IMMT: variants seen among roughly 807,000 people sequenced by gnomAD.
IMMT encodes the protein MICOS complex subunit MIC60.
In IMMT, 40 loss-of-function variants were observed where a neutral mutation model predicts 92.7. The observed-to-expected ratio is 0.43, with a 90% confidence interval of 0.34 to 0.56. The LOEUF (loss-of-function observed/expected upper bound fraction) is 0.56. IMMT is among the 20% of genes least tolerant of loss of function. The pLI is 0.03. For synonymous variants in IMMT, 322 were observed against 336.1 expected (o/e 0.96, Z 0.46); for missense variants, 831 against 912.1 (o/e 0.91, Z 1.14).
chr2:86,162,084 AC>A lies in IMMT; in HGVS notation c.793-6del. On this transcript the variant is annotated splice_polypyrimidine_tract_variant and splice_region_variant and intron_variant, in intron 7 of 14. Coordinates refer to ENST00000410111, the MANE Select transcript of IMMT (RefSeq NM_006839.3). ...AGATTTCTTCTCGCCTGCAATCTAA[AC>A]AAAAAATTTTAATTATATAATAAAT... The A allele has an allele frequency of 6.5e-7, 1 of 1,545,118 alleles. No individual in the cohort carries two copies.
intron 1 of IMMT, 97 bp from the exon 2 acceptor site, chr2:86,181,469 C>G (rs1436144728): frequency 2.6e-6 from 2 of 782,450 alleles, no homozygotes; most frequent in African/African-American, 3.5e-5. Flanking sequence ...TTAAAAATGT[C>G]TTCATTAAAC....
Position 86,164,689 on chromosome 2 carries a change from C to CAAAAAAAAAAAAAAA in IMMT, c.792+1804_792+1818dup, listed in dbSNP as rs56964046. ...CTGGTGACAGAGCAAGACTCTGTCT[C>CAAAAAAAAAAAAAAA]AAAAAAAAAAAAAAAGGAATGGATG... On this transcript the variant is annotated intron_variant, in intron 7 of 14. Transcript: ENST00000410111. Among the ~76,000 whole-genome samples, 180 of 111,368 alleles carry CAAAAAAAAAAAAAAA rather than the reference C, an allele frequency of 1.6e-3. 14 individuals carry two copies. The highest frequency in any genetic ancestry group is 6.1e-3 in the African/African-American group (166 of 27,404). 73.1% of individuals were successfully genotyped at this position (111,368 alleles called of 152,430 possible).
chr2:86,188,234 C>G (rs1260726144), intron 1 of IMMT, among the ~76,000 whole-genome samples: 1 of 151,826 alleles, frequency 6.6e-6, no homozygotes, highest in African/African-American at 2.4e-5. Context: ...TTATTATAAC[C>G]ATCTTAGTGG....
chr2:86,183,845 C>T (rs1672585295), intron 1 of IMMT, among the ~76,000 whole-genome samples: 1 of 152,098 alleles, frequency 6.6e-6, no homozygotes, highest in Non-Finnish European at 1.5e-5. Flanking sequence ...AAAAGCTTCC[C>T]AAGGGATTTC....
chr2:86,180,053 G>C (rs1204067192), intron 2 of IMMT, among the ~76,000 whole-genome samples: 2 of 151,710 alleles, frequency 1.3e-5, no homozygotes, highest in East Asian at 1.9e-4. Context: ...CTCCAGCCTG[G>C]AGCAACAGAA....
rs367552810 is a variant in IMMT, at chr2:86,153,291, T to C, written c.1177+269A>G. On this transcript the variant is annotated intron_variant, in intron 11 of 14. Transcript: ENST00000410111. ...GTTTGAAATTCTCCAAAGTAATCAG[T>C]TACAATCCATATTACACACACACAC... 2.0e-4 allele frequency among the ~76,000 whole-genome samples: 27 copies of C among 133,244 alleles called. No homozygotes were observed. The East Asian group carries it at 4.0e-3, about 20-fold the overall frequency. The allele number at this position is 133,244 out of a possible 152,430, so 87.4% of individuals were successfully genotyped here. A position where few individuals can be genotyped will look rare whatever the true frequency, so the allele number is the denominator to read the frequency against.
At chr2:86,151,220 G>A in intron 12 of IMMT, 77 bp downstream of exon 12, 1 of 1,255,466 alleles carries the variant, frequency 8.0e-7, no homozygotes, top group South Asian at 1.3e-5. Context: ...ACCCGGCTGA[G>A]CCAGTATTAT....
At chr2:86,159,425 C>T in intron 9 of IMMT, 111 bp downstream of exon 9, 1 of 942,932 alleles carries the variant, frequency 1.1e-6, no homozygotes, top group Non-Finnish European at 1.7e-6. Context: ...ATACACTTTG[C>T]AGGAGAAAAG....
intron 4 of IMMT, among the ~76,000 whole-genome samples, chr2:86,172,211 C>G (rs1186582511): frequency 1.3e-5 from 2 of 152,036 alleles, no homozygotes; most frequent in Non-Finnish European, 2.9e-5. Context: ...CTCAAGTGAT[C>G]CTCCCTCCTC....
intron 6 of IMMT, among the ~76,000 whole-genome samples, chr2:86,167,470 GTTTT>G (rs1279903768): frequency 3.0e-5 from 2 of 67,442 alleles, no homozygotes. Context: ...ACCGTGCCCG[GTTTT>G]TTGTTTTTTG....
Position 86,160,713 on chromosome 2 carries a change from C to CT in IMMT, c.897-1043dup, listed in dbSNP as rs1676206622. On this transcript the variant is annotated intron_variant, in intron 8 of 14. Coordinates refer to ENST00000410111, the MANE Select transcript of IMMT (RefSeq NM_006839.3). ...GAGGTTGATCTTATATCTGGGCATG[C>CT]TTGCTCAATCCTAGTTTTAGCCAAC... 3.3e-5 allele frequency among the ~76,000 whole-genome samples: 5 copies of CT among 152,174 alleles called. No homozygotes were observed. In the South Asian group the frequency reaches 1.0e-3, roughly 32 times the overall value.
At chr2:86,147,650 T>TCTTAATCC (rs1675122251) in intron 13 of IMMT, 52 bp downstream of exon 13, 1 of 1,565,252 alleles carries the variant, frequency 6.4e-7, no homozygotes, top group African/African-American at 1.4e-5. Flanking sequence ...AAGGAGAGTC[T>TCTTAATCC]CTTAATCCTG....
At chr2:86,177,984 A>T (rs543595917) in intron 3 of IMMT, among the ~76,000 whole-genome samples, 8 of 152,304 alleles carry the variant, frequency 5.3e-5, no homozygotes, top group Non-Finnish European at 1.0e-4. Context: ...CCAAAAGAAT[A>T]ATTATCCATC....
intron 3 of IMMT, among the ~76,000 whole-genome samples, chr2:86,176,138 C>G (rs1458896035): frequency 6.6e-6 from 1 of 152,200 alleles, no homozygotes; most frequent in Non-Finnish European, 1.5e-5. Context: ...GCAAAGACCA[C>G]AAACTACAGA....
intron 1 of IMMT, among the ~76,000 whole-genome samples, chr2:86,192,027 G>A (rs1673162608): frequency 6.6e-6 from 1 of 152,190 alleles, no homozygotes. Context: ...GAGCCCAGAA[G>A]TTCAAAATGA....
chr2:86,149,540 G>C (rs996105888), intron 12 of IMMT, among the ~76,000 whole-genome samples: 1 of 152,166 alleles, frequency 6.6e-6, no homozygotes, highest in East Asian at 1.9e-4. Flanking sequence ...AATTGGCTGG[G>C]CATGGTGGCT....
intron 14 of IMMT, 128 bp downstream of exon 14, chr2:86,145,937 TGCA>T: frequency 1.6e-6 from 1 of 636,456 alleles, no homozygotes; most frequent in Non-Finnish European, 2.3e-6. Context: ...TGGCAAAAAC[TGCA>T]ATTAAGTAGA....
intron 12 of IMMT, 129 bp from the exon 13 acceptor site, chr2:86,147,962 T>C (rs895103287): frequency 2.6e-6 from 2 of 774,682 alleles, no homozygotes; most frequent in African/African-American, 1.7e-5. Flanking sequence ...GTGCCAGGCA[T>C]GTGTACACTT....
In IMMT at chr2:86,190,946, A is replaced by C. The variant is rs943684711; in HGVS notation, c.45+4392T>G. The stretch of plus-strand genomic sequence containing the variant: ...GGAGGTTGCAGTGAGCCGAGATTGC[A>C]CCACTGCATTCCAGCCTGGGCAAAG... On this transcript the variant is annotated intron_variant, in intron 1 of 14. Transcript: ENST00000410111. 5.3e-5 allele frequency among the ~76,000 whole-genome samples: 8 copies of C among 152,258 alleles called. No individual in the cohort carries two copies. In the East Asian group the frequency reaches 1.5e-3, roughly 29 times the overall value.
Sources: allele counts gnomAD v4.1 joint callset (sites outside exome capture counted in the v4.1 genomes callset), GRCh38; gene constraint gnomAD v4.1.1; transcripts MANE v1.5; gene names NCBI Gene and HGNC (gene_info 2026-07-23, HGNC 2026-07-21).